Variants in SMG5 observed in about 807,000 individuals in gnomAD.
SMG5 encodes the protein SMG5 nonsense mediated mRNA decay factor.
SMG5 carries 53 observed loss-of-function variants against 122.9 expected under a neutral mutation model. The ratio of observed to expected loss-of-function variants is 0.43; its 90% CI spans 0.35 to 0.54. The LOEUF (loss-of-function observed/expected upper bound fraction) is 0.54, where lower values mean the gene tolerates loss of function less well. SMG5 is among the 20% of genes least tolerant of loss of function. SMG5 has a pLI of 0.01. For synonymous variants in SMG5, 477 were observed against 490.2 expected (o/e 0.97, Z 0.35); for missense variants, 1,153 against 1,285.6 (o/e 0.90, Z 1.58).
intron 1 of SMG5, among the ~76,000 whole-genome samples, chr1:156,282,004 TC>T (rs1176162552): frequency 1.3e-5 from 2 of 152,042 alleles, no homozygotes; most frequent in African/African-American, 4.8e-5. Flanking sequence ...GCCTCCCAAA[TC>T]CCAAGAACGC....
the SMG5 span, chr1:156,291,093 G>C: frequency 1.3e-5 from 5 of 383,854 alleles, no homozygotes; most frequent in East Asian, 2.4e-4. Context: ...TGGCAACATA[G>C]CAAGACCATG....
chr1:156,263,642 T>G, intron 12 of SMG5, 72 bp from the exon 13 acceptor site: 266 of 1,501,682 alleles, frequency 1.8e-4, no homozygotes, highest in Middle Eastern at 3.5e-4. Context: ...GCCTCAGCTC[T>G]GTGCAGGGAG....
intron 9 of SMG5, 99 bp from the exon 10 acceptor site, chr1:156,267,777 G>T: frequency 9.2e-7 from 1 of 1,089,710 alleles, no homozygotes; most frequent in Non-Finnish European, 1.3e-6. Context: ...ATGGGATGCT[G>T]CAGGGGAGAC....
At position 156,282,614 on chromosome 1, in the gene SMG5, G is replaced by A. The variant is rs369625562; in HGVS notation, c.67C>T (p.Leu23Phe). Reference sequence around the variant, plus strand: ...CGCCCTGGCCCCTCTCACCGGTAAAGCCGCTTAGTGTGGAGGACTTTTGCT... The same window carrying A: ...CGCCCTGGCCCCTCTCACCGGTAAAACCGCTTAGTGTGGAGGACTTTTGCT... ...PEAKVLHTKR[L>F]YRAVVEAVHR... The change falls in exon 1 of 22, where the codon CTT becomes TTT. Residue 23 changes from leucine to phenylalanine, a missense_variant. Leu to Phe is a conservative substitution (Grantham distance 22). This residue lies in a region of SMG5 where 213 missense variants were observed against 197.5 expected (regional missense o/e 1.08). Coordinates refer to ENST00000361813, the MANE Select transcript of SMG5 (RefSeq NM_015327.3). 310 of 1,608,438 alleles carry A rather than the reference G, an allele frequency of 1.9e-4. No homozygotes were observed. Among genetic ancestry groups the A allele is most frequent in the Non-Finnish European group, 2.6e-4 (301 of 1,179,588 alleles).
At chr1:156,254,194 T>G (rs1661477212) in intron 16 of SMG5, among the ~76,000 whole-genome samples, 1 of 152,114 alleles carries the variant, frequency 6.6e-6, no homozygotes, top group Non-Finnish European at 1.5e-5. Context: ...AGCCAACACC[T>G]CTCCTTGACT....
Position 156,267,597 on chromosome 1 carries a change from T to C in SMG5, c.990A>G (p.Ser330=). 1 of 1,613,156 alleles carries C rather than the reference T, an allele frequency of 6.2e-7. No individual in the cohort carries two copies. The highest frequency in any genetic ancestry group is 1.1e-5 in the South Asian group (1 of 91,024). ...FNLCLFYLPS[S]PNLSLASEDE... is the part of the protein sequence containing the mutation. ...CCTCACTGGCCAGGCTGAGGTTGGG[T>C]GAGGAGGGCAGGTAGAAGAGGCAGA... The change falls in exon 10 of 22, where the codon TCA becomes TCG. Residue 330 remains serine (S), a synonymous_variant. Coordinates refer to ENST00000361813, the MANE Select transcript of SMG5 (RefSeq NM_015327.3).
At chr1:156,273,322 C>A (rs1183144559) in intron 6 of SMG5, 39 bp downstream of exon 6, 2 of 1,564,132 alleles carry the variant, frequency 1.3e-6, no homozygotes, top group Non-Finnish European at 1.8e-6. Flanking sequence ...CCTAGGAAAA[C>A]CCTACTGGAT....
chr1:156,260,337 G>T, intron 15 of SMG5, 114 bp downstream of exon 15: 4 of 1,265,426 alleles, frequency 3.2e-6, no homozygotes, highest in Non-Finnish European at 4.4e-6. Context: ...CAAGGACACT[G>T]TCCCTGTCTG....
In SMG5 at chr1:156,256,373, G is replaced by A. The variant is rs140300587; in HGVS notation, c.2442+2632C>T. Among the ~76,000 whole-genome samples the A allele has an allele frequency of 6.8e-5, 10 of 146,988 alleles. No homozygotes were observed. The Middle Eastern group carries it at 0.014, about 208-fold the overall frequency. On this transcript the variant is annotated intron_variant, in intron 16 of 21. Transcript: ENST00000361813. ...ACTGTCACCCAGGTTGGAGGGCAGC[G>A]GCAAGATCTTGGCTCACTGCAGCCT...
At chr1:156,278,474 C>T (rs12038203) in intron 2 of SMG5, among the ~76,000 whole-genome samples, 34,997 of 151,406 alleles carry the variant, frequency 0.23, 4,713 homozygotes, top group Non-Finnish European at 0.29. Context: ...ATGATCCTCC[C>T]ACCTCAGCCT....
Position 156,250,884 on chromosome 1 carries a change from G to A in SMG5, c.2941C>T (p.Pro981Ser), listed in dbSNP as rs1300791440. ...TGCATGGGGCCTGAAAGCACGCTGG[G>A]GTTGTCCAGTGGAAGGCCTGTGATG... ...TIITGLPLDN[P>S]SVLSGPMQAA... Residue 981 changes from proline (P) to serine (S), a missense_variant, in exon 21 of 22, where the codon CCC becomes TCC. By Grantham distance (74) the Pro-to-Ser change is moderately conservative. Coordinates refer to ENST00000361813, the MANE Select transcript of SMG5 (RefSeq NM_015327.3). The A allele has an allele frequency of 4.3e-6, 7 of 1,613,962 alleles. No homozygotes were observed. In the South Asian group the frequency reaches 7.7e-5, roughly 18 times the overall value.
chr1:156,266,627 T>C lies in SMG5; in HGVS notation c.1169A>G (p.His390Arg). Residue 390 changes from histidine to arginine, a missense_variant, in exon 11 of 22, where the codon CAC becomes CGC. His to Arg is a conservative substitution (Grantham distance 29). Around this residue, in one of 5 missense-constraint regions of SMG5, gnomAD observed 631 missense variants for 650.6 expected, o/e 0.97. Transcript: ENST00000361813. ...CCGTATGTTGACATGATTGACGAGG[T>C]GGGAAAAGAGGGCCAGGGTGAAGGC... ...AIAFTLALFS[H>R]LVNHVNIRLQ... 1 of 1,613,854 alleles carries C rather than the reference T, an allele frequency of 6.2e-7. No individual in the cohort carries two copies. The highest frequency in any genetic ancestry group is 1.1e-5 in the South Asian group (1 of 91,062).
chr1:156,255,223 G>A (rs2103209443), intron 16 of SMG5, among the ~76,000 whole-genome samples: 1 of 152,004 alleles, frequency 6.6e-6, no homozygotes, highest in African/African-American at 2.4e-5. Context: ...GGCCAACATG[G>A]TGAAACCCTG....
At chr1:156,286,703 G>C (rs1663173678), upstream of SMG5, among the ~76,000 whole-genome samples, 1 of 152,236 alleles carries the variant, frequency 6.6e-6, no homozygotes. Flanking sequence ...AGGCTTTCAG[G>C]TGTCATCTAG....
intron 1 of SMG5, among the ~76,000 whole-genome samples, chr1:156,281,623 AT>A (rs1167597743): frequency 2.6e-5 from 4 of 152,242 alleles, no homozygotes; most frequent in African/African-American, 9.6e-5. Flanking sequence ...CACCGCCAAA[AT>A]GTGGCCAAGG....
At chr1:156,269,791 C>T (rs550197814) in intron 7 of SMG5, among the ~76,000 whole-genome samples, 6 of 152,270 alleles carry the variant, frequency 3.9e-5, no homozygotes, top group African/African-American at 1.4e-4. Context: ...AGAAGAATGG[C>T]GTGAATCCAG....
In SMG5 at chr1:156,253,010, G is replaced by A. The variant is rs532005030; in HGVS notation, c.2571C>T (p.Leu857=). The change falls in exon 18 of 22, where the codon CTC becomes CTT. Residue 857 remains leucine, a synonymous_variant. Coordinates refer to ENST00000361813, the MANE Select transcript of SMG5 (RefSeq NM_015327.3). Reference sequence around the variant, plus strand: ...GGCAGAGGGCCTGGGTGTCAGGGACGAGGTAGGGAGACATGGCTGACTGGG... The same window carrying A: ...GGCAGAGGGCCTGGGTGTCAGGGACAAGGTAGGGAGACATGGCTGACTGGG... The part of the protein sequence containing the change: ...PKAQSAMSPY[L]VPDTQALCHH... 40 of 1,613,192 alleles carry A rather than the reference G, an allele frequency of 2.5e-5. No individual in the cohort carries two copies. Among genetic ancestry groups the A allele is most frequent in the African/African-American group, 4.0e-5 (3 of 74,926 alleles).
chr1:156,273,718 C>CTTTTTTTTTTTTTTT (rs748042052), intron 5 of SMG5, among the ~76,000 whole-genome samples: 1 of 116,312 alleles, frequency 8.6e-6, no homozygotes, highest in Non-Finnish European at 1.7e-5. Context: ...GTTTTGTTTT[C>CTTTTTTTTTTTTTTT]TTTTTTTTTT....
rs1362182846 is a variant in SMG5 at position 156,251,409 on chromosome 1, T to A, written c.2822A>T (p.Asp941Val). The change falls in exon 20 of 22, where the codon GAT becomes GTT. Residue 941 changes from aspartate to valine, a missense_variant. Asp to Val is a radical substitution (Grantham distance 152, BLOSUM62 -3). Around this residue, in one of 5 missense-constraint regions of SMG5, gnomAD observed 140 missense variants for 227.8 expected, o/e 0.61. Coordinates refer to ENST00000361813, the MANE Select transcript of SMG5 (RefSeq NM_015327.3). Reference sequence around the variant, plus strand: ...GTGAGGGCTAAAATGTTACCAGGCATCTGCATCCTGCCTCTTCAGCTTATG... The same window carrying A: ...GTGAGGGCTAAAATGTTACCAGGCAACTGCATCCTGCCTCTTCAGCTTATG... Reference protein sequence around the residue: ...ERHKLKRQDADAWTLYKILDS... With the variant: ...ERHKLKRQDAVAWTLYKILDS... The A allele has an allele frequency of 5.0e-6, 8 of 1,614,048 alleles. No individual in the cohort carries two copies. The highest frequency in any genetic ancestry group is 1.3e-5 in the African/African-American group (1 of 74,932).
Sources: allele counts gnomAD v4.1 joint callset (sites outside exome capture counted in the v4.1 genomes callset), GRCh38; gene constraint gnomAD v4.1.1; regional missense constraint gnomAD v4.1.1; transcripts MANE v1.5; gene names NCBI Gene and HGNC (gene_info 2026-07-23, HGNC 2026-07-21).